Variants in LY75 observed in about 807,000 individuals in gnomAD.
The protein encoded by LY75 is lymphocyte antigen 75, also known as C-type lectin domain family 13 member B.
In LY75, 185 loss-of-function variants were observed where a neutral mutation model predicts 231.7. The ratio of observed to expected loss-of-function variants is 0.80; its 90% CI spans 0.71 to 0.90. The LOEUF is 0.90. Ranked by LOEUF, LY75 falls within the 40% of genes least tolerant of loss-of-function variation. The pLI is 0.00. For synonymous variants in LY75, 668 were observed against 689.0 expected, an observed-to-expected ratio of 0.97 and a Z score of 0.48; for missense variants, 1,947 against 2,050.2, an observed-to-expected ratio of 0.95 and a Z score of 0.97.
intron 23 of LY75, among the ~76,000 whole-genome samples, chr2:159,845,854 A>C (rs941593328): frequency 6.9e-6 from 1 of 145,560 alleles, no homozygotes; most frequent in Non-Finnish European, 1.5e-5. Context: ...TACTGATATA[A>C]ATATTATAAA....
At chr2:159,862,413 G>A (rs916621730) in intron 14 of LY75, among the ~76,000 whole-genome samples, 5 of 152,074 alleles carry the variant, frequency 3.3e-5, no homozygotes, top group East Asian at 1.9e-4. Flanking sequence ...AGTTGAGATC[G>A]CAGCACTGCA....
At chr2:159,833,125 C>A (rs553478062) in intron 27 of LY75, among the ~76,000 whole-genome samples, 19 of 142,452 alleles carry the variant, frequency 1.3e-4, no homozygotes, top group African/African-American at 4.8e-4. Flanking sequence ...TTCTTTCCCC[C>A]TTCCTTTTTT....
chr2:159,835,052 C>T (rs371699550), intron 26 of LY75, among the ~76,000 whole-genome samples: 11 of 152,158 alleles, frequency 7.2e-5, no homozygotes, highest in Non-Finnish European at 1.3e-4. Context: ...GCTCTATCCC[C>T]GTTTTGGGGA....
At chr2:159,889,510 G>A (rs1685689431) in intron 4 of LY75, among the ~76,000 whole-genome samples, 1 of 151,958 alleles carries the variant, frequency 6.6e-6, no homozygotes, top group Non-Finnish European at 1.5e-5. Context: ...TTGCAGGTGT[G>A]AGCCACCGCA....
At chr2:159,870,731 C>T (rs955672624) in intron 13 of LY75, among the ~76,000 whole-genome samples, 6 of 150,290 alleles carry the variant, frequency 4.0e-5, no homozygotes, top group Non-Finnish European at 7.4e-5. Context: ...AGGCTGGTCT[C>T]GAACTCCTGG....
In LY75 at chr2:159,805,177, A is replaced by C; in HGVS notation, c.5036T>G (p.Ile1679Ser). 6.2e-7 allele frequency: 1 copy of C among 1,614,110 alleles called. No individual in the cohort carries two copies. The highest frequency in any genetic ancestry group is 8.5e-7 in the Non-Finnish European group (1 of 1,179,956). ...AATCAGTCCGCCCATGAGAACTAAG[A>C]TACTTAGTGTGGCAACTATGATAGC... Reference protein sequence around the residue: ...AIAIIVATLSILVLMGGLIWF... With the variant: ...AIAIIVATLSSLVLMGGLIWF... The change falls in exon 35 of 35, where the codon ATC (isoleucine) becomes AGC (serine). Residue 1679 changes from isoleucine to serine, a missense_variant. Ile to Ser is a moderately radical substitution (Grantham distance 142). Coordinates refer to ENST00000263636, the MANE Select transcript of LY75 (RefSeq NM_002349.4).
chr2:159,904,657 C>A lies in LY75; in HGVS notation c.26G>T (p.Arg9Leu). The change falls in exon 1 of 35, where the codon CGC becomes CTC. Residue 9 changes from arginine to leucine, a missense_variant. Transcript: ENST00000263636. The part of the protein sequence containing the change: MRTGWATP[R>L]RPAGLLMLLF... Reference sequence around the variant, plus strand: ...CAGCATGAGGAGCCCCGCCGGGCGGCGAGGGGTCGCCCAGCCTGTCCTCAT... The same window carrying A: ...CAGCATGAGGAGCCCCGCCGGGCGGAGAGGGGTCGCCCAGCCTGTCCTCAT... 6.7e-7 allele frequency: 1 copy of A among 1,488,602 alleles called. No homozygotes were observed. The allele number at this position is 1,488,602 out of a possible 1,614,324, so 92.2% of individuals were successfully genotyped here.
intron 23 of LY75, 48 bp downstream of exon 23, chr2:159,849,932 A>G (rs1202539594): frequency 6.3e-7 from 1 of 1,574,804 alleles, no homozygotes; most frequent in African/African-American, 1.4e-5. Context: ...TGAAAGACTC[A>G]AGTATTTCAC....
chr2:159,895,977 T>A (rs1328651469), intron 2 of LY75, among the ~76,000 whole-genome samples: 1 of 152,238 alleles, frequency 6.6e-6, no homozygotes, highest in African/African-American at 2.4e-5. Flanking sequence ...AAATTTATGA[T>A]GATAGCATCC....
At chr2:159,831,585 T>A in intron 28 of LY75, 85 bp downstream of exon 28, 5 of 1,410,618 alleles carry the variant, frequency 3.5e-6, no homozygotes, top group Non-Finnish European at 4.9e-6. Flanking sequence ...TTGATAGACA[T>A]GTACTTTGAA....
chr2:159,807,915 G>A (rs1323088276), intron 33 of LY75: 10 of 984,640 alleles, frequency 1.0e-5, no homozygotes, highest in Admixed American at 6.2e-5. Flanking sequence ...ATAGGTTGGC[G>A]CAAAAGTAAT....
chr2:159,820,977 T>C (rs1683268123), intron 28 of LY75, among the ~76,000 whole-genome samples: 1 of 152,200 alleles, frequency 6.6e-6, no homozygotes, highest in Non-Finnish European at 1.5e-5. Context: ...TAGCAGGGAT[T>C]ACAGGTGCCC....
At chr2:159,887,572 A>C (rs1030403308) in intron 4 of LY75, among the ~76,000 whole-genome samples, 4 of 146,818 alleles carry the variant, frequency 2.7e-5, no homozygotes, top group Non-Finnish European at 5.9e-5. Flanking sequence ...ACAACAAAAA[A>C]AAAAAAAAAA....
rs867980309 is a variant in LY75, at chr2:159,904,753, G to T, written c.-71C>A. The T allele has an allele frequency of 1.5e-6, 2 of 1,319,562 alleles. No individual in the cohort carries two copies. Among genetic ancestry groups the T allele is most frequent in the Admixed American group, 4.1e-5 (1 of 24,350 alleles). The allele number at this position is 1,319,562 out of a possible 1,614,324, so 81.7% of individuals were successfully genotyped here. A position where few individuals can be genotyped will look rare whatever the true frequency, so the allele number is the denominator to read the frequency against. ...GCTCCCGCCCCGCCTGCTGAGCGCG[G>T]CCTGCCCCGCCCGCACCTCTGTCTA... is the stretch of plus-strand genomic sequence containing the variant. On this transcript the variant is annotated 5_prime_UTR_variant, in exon 1 of 35. Coordinates refer to ENST00000263636, the MANE Select transcript of LY75 (RefSeq NM_002349.4).
rs763115209 is a variant in LY75, at chr2:159,831,665, C to G, written c.3958+5G>C. The G allele has an allele frequency of 1.9e-6, 3 of 1,606,384 alleles. No homozygotes were observed. Among genetic ancestry groups the G allele is most frequent in the Middle Eastern group, 1.7e-4 (1 of 6,058 alleles). On this transcript the variant is annotated splice_donor_5th_base_variant and intron_variant, in intron 28 of 34. Transcript: ENST00000263636. ...ATAGAGAAAGTTGGCAGATTTACAA[C>G]TTACTTCTATAAGTTATTCCTAACA...
At chr2:159,808,681 A>G in intron 32 of LY75, 110 bp from the exon 33 acceptor site, 1 of 1,440,486 alleles carries the variant, frequency 6.9e-7, no homozygotes, top group Non-Finnish European at 9.2e-7. Context: ...TCATTGATAA[A>G]TTCAAGCCTT....
At chr2:159,808,247 T>C (rs1682846831) in intron 33 of LY75, 2 of 777,080 alleles carry the variant, frequency 2.6e-6, no homozygotes, top group Non-Finnish European at 3.1e-6. Flanking sequence ...TTCTGTGTCA[T>C]TAGTGGTTTC....
chr2:159,875,761 C>A, intron 11 of LY75, 118 bp from the exon 12 acceptor site: 1 of 1,214,854 alleles, frequency 8.2e-7, no homozygotes, highest in Non-Finnish European at 1.1e-6. Flanking sequence ...AAAAATGGAA[C>A]AAAGAGAGGA....
chr2:159,898,003 T>C (rs1685949968), intron 2 of LY75, among the ~76,000 whole-genome samples: 1 of 152,178 alleles, frequency 6.6e-6, no homozygotes, highest in Admixed American at 6.5e-5. Context: ...CAAAATTTGG[T>C]TGCCATGCAA....
Sources: allele counts gnomAD v4.1 joint callset (sites outside exome capture counted in the v4.1 genomes callset), GRCh38; gene constraint gnomAD v4.1.1; transcripts MANE v1.5; gene names NCBI Gene and HGNC (gene_info 2026-07-23, HGNC 2026-07-21).